ARID5B: variants seen among roughly 807,000 people sequenced by gnomAD.
ARID5B encodes AT-rich interaction domain 5B, also known as AT-rich interactive domain-containing protein 5B.
A neutral mutation model predicts 97.2 loss-of-function variants in ARID5B; 13 were observed. The ratio of observed to expected loss-of-function variants is 0.13; its 90% CI spans 0.09 to 0.21. ARID5B has a LOEUF of 0.21. ARID5B is among the 10% of genes least tolerant of loss of function. ARID5B has a pLI of 1.00. For missense variants in ARID5B, 1,210 were observed against 1,465.3 expected, an observed-to-expected ratio of 0.83 and a Z score of 2.84; for synonymous variants, 556 against 570.3, an observed-to-expected ratio of 0.97 and a Z score of 0.36.
intron 2 of ARID5B, among the ~76,000 whole-genome samples, chr10:61,919,035 G>A (rs969470512): frequency 7.0e-5 from 3 of 42,932 alleles, no homozygotes; most frequent in East Asian, 1.4e-3. Flanking sequence ...GCCTGACTCC[G>A]TCCCCCCCCC....
chr10:62,041,005 A>C (rs1028575916), intron 4 of ARID5B, among the ~76,000 whole-genome samples: 1 of 152,182 alleles, frequency 6.6e-6, no homozygotes, highest in Non-Finnish European at 1.5e-5. Flanking sequence ...CTGTTTCTCT[A>C]TAGTGTAACA....
chr10:62,040,988 C>A (rs1184563320), intron 4 of ARID5B, among the ~76,000 whole-genome samples: 5 of 152,196 alleles, frequency 3.3e-5, no homozygotes, highest in African/African-American at 4.8e-5. Context: ...CTGATGGTAT[C>A]TGTGTGCTGT....
chr10:61,928,556 G>T (rs1844148046), intron 2 of ARID5B, among the ~76,000 whole-genome samples: 2 of 152,140 alleles, frequency 1.3e-5, no homozygotes, highest in South Asian at 4.1e-4. Flanking sequence ...GCCTCCCAAA[G>T]TGCTGGGATT....
At chr10:61,999,410 C>T (rs553923418) in intron 3 of ARID5B, among the ~76,000 whole-genome samples, 17 of 152,192 alleles carry the variant, frequency 1.1e-4, no homozygotes, top group African/African-American at 3.1e-4. Context: ...CTACCTTAAA[C>T]GGGCTTGTAA....
At chr10:62,027,521 G>T (rs893447365) in intron 4 of ARID5B, among the ~76,000 whole-genome samples, 1 of 151,360 alleles carries the variant, frequency 6.6e-6, no homozygotes, top group Non-Finnish European at 1.5e-5. Context: ...CACCATGTTA[G>T]CCAGGATCAT....
chr10:61,912,450 C>G (rs1274642914), intron 2 of ARID5B, among the ~76,000 whole-genome samples: 5 of 151,916 alleles, frequency 3.3e-5, no homozygotes, highest in African/African-American at 1.2e-4. Context: ...AAAAGGATAA[C>G]TGAGGTGATG....
chr10:61,962,372 T>C (rs779404421), intron 3 of ARID5B, among the ~76,000 whole-genome samples: 1 of 152,168 alleles, frequency 6.6e-6, no homozygotes, highest in Non-Finnish European at 1.5e-5. Flanking sequence ...GCATAATTGA[T>C]AAAAGCTGAA....
intron 3 of ARID5B, among the ~76,000 whole-genome samples, chr10:61,942,193 G>A (rs1369602952): frequency 6.6e-6 from 1 of 152,056 alleles, no homozygotes; most frequent in Non-Finnish European, 1.5e-5. Flanking sequence ...TTAATGAACA[G>A]GAAAATAAGT....
chr10:62,072,269 G>A (rs1035785257), intron 8 of ARID5B, among the ~76,000 whole-genome samples: 5 of 152,160 alleles, frequency 3.3e-5, no homozygotes, highest in African/African-American at 1.2e-4. Context: ...TGAAACTGCT[G>A]GGGGACTGTT....
At chr10:62,079,160 A>G (rs1840177053) in intron 8 of ARID5B, among the ~76,000 whole-genome samples, 1 of 152,196 alleles carries the variant, frequency 6.6e-6, no homozygotes, top group South Asian at 2.1e-4. Context: ...GTGATCTTTC[A>G]GTATCTCCTC....
At position 61,940,952 on chromosome 10, in the gene ARID5B, TATATATATATATA is replaced by T. The variant is rs1253725115; in HGVS notation, c.502+545_502+557del. 1.0e-2 allele frequency among the ~76,000 whole-genome samples: 127 copies of T among 12,738 alleles called. 3 individuals are homozygous for T. Among genetic ancestry groups the T allele is most frequent in the Non-Finnish European group, 0.024 (97 of 4,026 alleles). The allele number at this position is 12,738 out of a possible 152,430, so 8.4% of individuals were successfully genotyped here. On this transcript the variant is annotated intron_variant, in intron 3 of 9. Transcript: ENST00000279873. ...ATATATATATATATATATATATATA[TATATATATATATA>T]TTTTTTTTTTTTTTTTTTTTTTTTT...
rs78149301 is a variant in ARID5B, at chr10:62,014,447, G to C, written c.733+14126G>C. ...GGTAAGAAGTAGCGGCTGAAGGTAG[G>C]GGGTATGTTCCTTGGGTAGTTGCAG... is the stretch of plus-strand genomic sequence containing the variant. On this transcript the variant is annotated intron_variant, in intron 4 of 9. Coordinates refer to ENST00000279873, the MANE Select transcript of ARID5B (RefSeq NM_032199.3). 4.7e-3 allele frequency among the ~76,000 whole-genome samples: 713 copies of C among 152,270 alleles called. 7 individuals carry two copies. Among genetic ancestry groups the C allele is most frequent in the Middle Eastern group, 0.044 (13 of 294 alleles).
intron 2 of ARID5B, among the ~76,000 whole-genome samples, chr10:61,911,170 T>C (rs1055019385): frequency 2.6e-5 from 4 of 152,216 alleles, no homozygotes; most frequent in Non-Finnish European, 4.4e-5. Context: ...CCCTCAAGCA[T>C]GTTGAGCTAC....
intron 2 of ARID5B, 149 bp from the exon 3 acceptor site, chr10:61,940,034 A>G (rs1395613780): frequency 3.1e-6 from 2 of 647,360 alleles, no homozygotes; most frequent in East Asian, 2.7e-5. Context: ...GTGAGTTACT[A>G]AAGATTCTGT....
At chr10:61,962,935 T>C (rs1475247556) in intron 3 of ARID5B, among the ~76,000 whole-genome samples, 1 of 152,178 alleles carries the variant, frequency 6.6e-6, no homozygotes, top group Non-Finnish European at 1.5e-5. Flanking sequence ...CTGCAGTGGT[T>C]TTTAATGTTA....
At chr10:61,957,649 CTT>C (rs1343366338) in intron 3 of ARID5B, among the ~76,000 whole-genome samples, 2 of 152,174 alleles carry the variant, frequency 1.3e-5, no homozygotes, top group African/African-American at 4.8e-5. Context: ...ATTTAAAAAA[CTT>C]AGTATGAAAA....
At chr10:61,922,970 T>C (rs1028599040) in intron 2 of ARID5B, among the ~76,000 whole-genome samples, 1 of 152,186 alleles carries the variant, frequency 6.6e-6, no homozygotes, top group African/African-American at 2.4e-5. Flanking sequence ...TTCTGGCCAA[T>C]GTTTTTTTAA....
intron 7 of ARID5B, among the ~76,000 whole-genome samples, chr10:62,065,484 G>A (rs931571771): frequency 3.9e-5 from 6 of 152,132 alleles, no homozygotes. Context: ...TCTAATTGCG[G>A]ACCTTGAAGA....
At chr10:61,950,008 G>A (rs1284039973) in intron 3 of ARID5B, among the ~76,000 whole-genome samples, 1 of 152,032 alleles carries the variant, frequency 6.6e-6, no homozygotes, top group African/African-American at 2.4e-5. Context: ...GATCCACCAT[G>A]TTTTGTTCTT....
Sources: allele counts gnomAD v4.1 joint callset (sites outside exome capture counted in the v4.1 genomes callset), GRCh38; gene constraint gnomAD v4.1.1; transcripts MANE v1.5; gene names NCBI Gene and HGNC (gene_info 2026-07-23, HGNC 2026-07-21).